Variants in CACNA1D observed in about 807,000 individuals in gnomAD.
CACNA1D encodes the protein voltage-dependent L-type calcium channel subunit alpha-1D.
CACNA1D carries 55 observed loss-of-function variants against 257.1 expected under a neutral mutation model. The observed-to-expected ratio is 0.21, with a 90% confidence interval of 0.17 to 0.27. The LOEUF (loss-of-function observed/expected upper bound fraction) is 0.27. Ranked by LOEUF, CACNA1D falls within the 10% of genes least tolerant of loss-of-function variation. The probability of loss-of-function intolerance (pLI) is 1.00; values close to 1 mark genes in which losing one functional copy is unlikely to be tolerated. For synonymous variants in CACNA1D, 980 were observed against 1,014.9 expected, an observed-to-expected ratio of 0.97 and a Z score of 0.65; for missense variants, 1,876 against 2,784.0, an observed-to-expected ratio of 0.67 and a Z score of 7.34.
intron 8 of CACNA1D, among the ~76,000 whole-genome samples, chr3:53,695,026 A>G (rs1386736904): frequency 6.6e-6 from 1 of 152,186 alleles, no homozygotes; most frequent in Non-Finnish European, 1.5e-5. Context: ...CCCTGCAGCC[A>G]TTTCTCGTGA....
At chr3:53,587,363 C>T (rs1458387236) in intron 3 of CACNA1D, among the ~76,000 whole-genome samples, 1 of 152,128 alleles carries the variant, frequency 6.6e-6, no homozygotes, top group Admixed American at 6.5e-5. Context: ...AATAGAGACT[C>T]AGGATTTTGG....
intron 3 of CACNA1D, among the ~76,000 whole-genome samples, chr3:53,591,645 T>C (rs2093307277): frequency 6.6e-6 from 1 of 152,220 alleles, no homozygotes. Context: ...CACTCAATGC[T>C]GTGTCGATTT....
intron 3 of CACNA1D, among the ~76,000 whole-genome samples, chr3:53,580,551 G>A (rs1242303769): frequency 6.6e-6 from 1 of 152,232 alleles, no homozygotes; most frequent in Admixed American, 6.5e-5. Flanking sequence ...TCTGCCTGAA[G>A]TAAGAGACAT....
At chr3:53,664,838 C>T (rs961097980) in intron 5 of CACNA1D, among the ~76,000 whole-genome samples, 9 of 152,228 alleles carry the variant, frequency 5.9e-5, no homozygotes, top group African/African-American at 1.7e-4. Context: ...CAGGGGGCTC[C>T]TTGCTTCTAG....
intron 3 of CACNA1D, among the ~76,000 whole-genome samples, chr3:53,591,248 GTTTTA>G (rs760533250): frequency 2.0e-5 from 3 of 151,848 alleles, no homozygotes; most frequent in Non-Finnish European, 4.4e-5. Context: ...TTAATTTTTT[GTTTTA>G]TTTATTTATT....
chr3:53,631,665 A>G (rs918309795), intron 3 of CACNA1D, among the ~76,000 whole-genome samples: 1 of 152,224 alleles, frequency 6.6e-6, no homozygotes, highest in African/African-American at 2.4e-5. Context: ...AGGAATTGCT[A>G]TCTATGGGAG....
chr3:53,779,859 T>C (rs2095416887), intron 37 of CACNA1D, among the ~76,000 whole-genome samples, 167 bp from the exon 38 acceptor site: 1 of 152,172 alleles, frequency 6.6e-6, no homozygotes. Flanking sequence ...CCCAGTCAAC[T>C]TGACACCTAA....
At chr3:53,566,935 A>G (rs893895113) in intron 3 of CACNA1D, among the ~76,000 whole-genome samples, 5 of 152,220 alleles carry the variant, frequency 3.3e-5, no homozygotes, top group African/African-American at 9.7e-5. Flanking sequence ...CTATTTGCTC[A>G]TGCTATTTGT....
chr3:53,723,271 C>G lies in CACNA1D; in HGVS notation c.1667-163C>G, dbSNP rs142868079. On this transcript the variant is annotated intron_variant, in intron 12 of 47. Coordinates refer to ENST00000350061, the MANE Select transcript of CACNA1D (RefSeq NM_001128840.3). This position sits in a 1 kb window ranked among gnomAD's most constrained non-coding sequence, Gnocchi z 5.6. ...GACCAGAACCTGGTGGACAGACTGT[C>G]CACGCGAAGGCCACGTTTCTGTCCT... 6.6e-6 allele frequency among the ~76,000 whole-genome samples: 1 copy of G among 152,188 alleles called. No homozygotes were observed. Among genetic ancestry groups the G allele is most frequent in the African/African-American group, 2.4e-5 (1 of 41,526 alleles).
chr3:53,725,054 C>CA (rs1200622058), intron 14 of CACNA1D, among the ~76,000 whole-genome samples: 2 of 143,110 alleles, frequency 1.4e-5, no homozygotes, highest in African/African-American at 5.2e-5. Context: ...TCTAATGTTA[C>CA]AAATGAATAA....
intron 5 of CACNA1D, 63 bp downstream of exon 5, chr3:53,660,338 G>T: frequency 6.5e-7 from 1 of 1,535,528 alleles, no homozygotes; most frequent in Non-Finnish European, 9.0e-7. Context: ...GTGGGTTTCA[G>T]AATCACTGGT....
intron 3 of CACNA1D, among the ~76,000 whole-genome samples, chr3:53,519,428 C>T (rs769290050): frequency 2.6e-5 from 4 of 151,980 alleles, no homozygotes; most frequent in Admixed American, 1.3e-4. Context: ...TGAAGCTGTG[C>T]GAGACGACAA....
chr3:53,771,287 T>A (rs2095364976), intron 32 of CACNA1D, among the ~76,000 whole-genome samples: 1 of 152,248 alleles, frequency 6.6e-6, no homozygotes, highest in Non-Finnish European at 1.5e-5. Context: ...AAGTGAATCC[T>A]GCATCTTCAT....
At chr3:53,641,441 T>C (rs941369544) in intron 3 of CACNA1D, among the ~76,000 whole-genome samples, 1 of 152,160 alleles carries the variant, frequency 6.6e-6, no homozygotes, top group Non-Finnish European at 1.5e-5. Context: ...GTTGTAGCCA[T>C]CTTTGAATCC....
chr3:53,634,933 T>A (rs1345924793), intron 3 of CACNA1D, among the ~76,000 whole-genome samples: 1 of 152,130 alleles, frequency 6.6e-6, no homozygotes, highest in African/African-American at 2.4e-5. Flanking sequence ...CTTAAAAGAT[T>A]TTTGTTTTGG....
chr3:53,802,682 C>T (rs974864638), intron 43 of CACNA1D, among the ~76,000 whole-genome samples: 2 of 152,202 alleles, frequency 1.3e-5, no homozygotes, highest in Non-Finnish European at 2.9e-5. Context: ...TGTTGGGGGC[C>T]AAGGGAGGAT....
At chr3:53,775,257 A>G (rs1394797595) in intron 34 of CACNA1D, among the ~76,000 whole-genome samples, 1 of 152,200 alleles carries the variant, frequency 6.6e-6, no homozygotes, top group East Asian at 1.9e-4. Flanking sequence ...ACAGAGACTT[A>G]AGTTGTTAAG....
intron 32 of CACNA1D, 97 bp downstream of exon 32, chr3:53,770,649 G>A: frequency 1.7e-6 from 2 of 1,170,356 alleles, no homozygotes; most frequent in Non-Finnish European, 2.5e-6. Flanking sequence ...CCCCCTGTGT[G>A]GCCACTCTGT....
At position 53,753,548 on chromosome 3, in the gene CACNA1D, C is replaced by T. The variant is rs113215899; in HGVS notation, c.3676-24C>T. The T allele has an allele frequency of 1.2e-4, 167 of 1,447,122 alleles. No homozygotes were observed. The African/African-American group carries it at 1.6e-3, about 14-fold the overall frequency. The allele number at this position is 1,447,122 out of a possible 1,614,324, so 89.6% of individuals were successfully genotyped here. ...GAGATCGTGGCTGAGGCTCTGAGAA[C>T]GGTCCCTCTGTCTTCATCCATAGCA... On this transcript the variant is annotated intron_variant, in intron 28 of 47. Coordinates refer to ENST00000350061, the MANE Select transcript of CACNA1D (RefSeq NM_001128840.3).
Sources: gnomAD v4.1 joint callset for allele counts (sites outside exome capture counted in the v4.1 genomes callset) on GRCh38, gnomAD v4.1.1 for gene constraint, Gnocchi (gnomAD v3.1) non-coding constraint, MANE v1.5 for transcripts, NCBI Gene and HGNC (gene_info 2026-07-23, HGNC 2026-07-21) for gene names.